KIF26B: variants seen among roughly 807,000 people sequenced by gnomAD.
The protein encoded by KIF26B is kinesin-like protein KIF26B.
A neutral mutation model predicts 151.2 loss-of-function variants in KIF26B; 63 were observed. The observed-to-expected ratio is 0.42, with a 90% CI of 0.34 to 0.51. The LOEUF (loss-of-function observed/expected upper bound fraction) is 0.51. KIF26B is among the 20% of genes least tolerant of loss of function. KIF26B has a pLI of 0.07. For synonymous variants in KIF26B, 1,357 were observed against 1,262.1 expected (o/e 1.08, Z -1.59); for missense variants, 2,813 against 2,913.6 (o/e 0.97, Z 0.79).
At chr1:245,456,985 C>T (rs1659547417) in intron 4 of KIF26B, among the ~76,000 whole-genome samples, 1 of 152,224 alleles carries the variant, frequency 6.6e-6, no homozygotes, top group African/African-American at 2.4e-5. Flanking sequence ...CCTGCCTCAG[C>T]CTCCTGTGTA....
At chr1:245,664,066 A>C (rs1054649306) in intron 10 of KIF26B, among the ~76,000 whole-genome samples, 1 of 152,140 alleles carries the variant, frequency 6.6e-6, no homozygotes, top group Non-Finnish European at 1.5e-5. Context: ...GCATTTACTA[A>C]GACTTAAAAA....
rs1258748344 is a variant in KIF26B, at chr1:245,709,185, T to A, written c.*6579T>A. On this transcript the variant is annotated 3_prime_UTR_variant, in exon 15 of 15. Coordinates refer to ENST00000407071, the MANE Select transcript of KIF26B (RefSeq NM_018012.4). ...TTGCAAGCTATATAAACGTTAGGTGTTGGCTTGATTATGATAAATATGAGC... is the reference window on the plus strand; with the variant it reads ...TTGCAAGCTATATAAACGTTAGGTGATGGCTTGATTATGATAAATATGAGC... The A allele has an allele frequency of 3.9e-5, 6 of 152,212 alleles. No homozygotes were observed. Among genetic ancestry groups the A allele is most frequent in the African/African-American group, 1.4e-4 (6 of 41,442 alleles). 9.4% of individuals were successfully genotyped at this position (152,212 alleles called of 1,614,324 possible).
At chr1:245,363,760 ACT>A (rs1208803604) in intron 2 of KIF26B, among the ~76,000 whole-genome samples, 10 of 152,046 alleles carry the variant, frequency 6.6e-5, no homozygotes, top group Non-Finnish European at 1.2e-4. Context: ...TTCATTAAAG[ACT>A]CTCAATCTCA....
chr1:245,247,596 G>C (rs1262264768), intron 2 of KIF26B, among the ~76,000 whole-genome samples: 1 of 152,256 alleles, frequency 6.6e-6, no homozygotes, highest in Non-Finnish European at 1.5e-5. Context: ...GCCCTGGGCT[G>C]TCGCTGGAGC....
Position 245,367,342 on chromosome 1 carries a change from A to G in KIF26B, c.974A>G (p.Asn325Ser), listed in dbSNP as rs1229507139. The G allele has an allele frequency of 6.3e-6, 10 of 1,593,572 alleles. No individual in the cohort carries two copies. Among genetic ancestry groups the G allele is most frequent in the Middle Eastern group, 3.3e-4 (2 of 6,062 alleles). The change falls in exon 3 of 15, where the codon AAC (asparagine) becomes AGC (serine). Residue 325 changes from asparagine to serine, a missense_variant. This residue lies in a region of KIF26B where 676 missense variants were observed against 688.1 expected (regional missense o/e 0.98). Coordinates refer to ENST00000407071, the MANE Select transcript of KIF26B (RefSeq NM_018012.4). The surrounding 1 kb of genome is among the most constrained non-coding windows in gnomAD (Gnocchi z 4.2). ...LDGTWSLSRT[N>S]GVTLYPYQIS... is the part of the protein sequence containing the mutation. The stretch of plus-strand genomic sequence containing the variant: ...GGCACCTGGTCCCTGTCGAGAACCA[A>G]CGGGGTCACCCTGTACCCATACCAG...
At position 245,618,837 on chromosome 1, in the gene KIF26B, A is replaced by G. The variant is rs371004036; in HGVS notation, c.2098+6861A>G. Among the ~76,000 whole-genome samples the G allele has an allele frequency of 8.5e-3, 1,209 of 142,096 alleles. 2 individuals carry two copies. The highest frequency in any genetic ancestry group is 0.023 in the Admixed American group (314 of 13,524). The allele number at this position is 142,096 out of a possible 152,430, so 93.2% of individuals were successfully genotyped here. On this transcript the variant is annotated intron_variant, in intron 9 of 14. Coordinates refer to ENST00000407071, the MANE Select transcript of KIF26B (RefSeq NM_018012.4). ...CTGTTGGTGAGCTTGTCCAAGCCCT[A>G]TTAGACTATAGGTTCCTTGAGACAG...
intron 2 of KIF26B, among the ~76,000 whole-genome samples, chr1:245,209,658 G>T (rs910379224): frequency 2.0e-5 from 3 of 152,212 alleles, no homozygotes; most frequent in Non-Finnish European, 2.9e-5. Context: ...GACGGTGGAG[G>T]TTGAGCATTT....
At chr1:245,679,879 G>T (rs1350531387) in intron 10 of KIF26B, among the ~76,000 whole-genome samples, 2 of 152,128 alleles carry the variant, frequency 1.3e-5, no homozygotes, top group African/African-American at 4.8e-5. Context: ...GCCCCCGTCA[G>T]CTCTGCTCCA....
chr1:245,256,250 A>G (rs908406620), intron 2 of KIF26B, among the ~76,000 whole-genome samples: 12 of 152,194 alleles, frequency 7.9e-5, no homozygotes, highest in Non-Finnish European at 1.6e-4. Flanking sequence ...AATATGGCTA[A>G]CATTTTGGGA....
Position 245,367,624 on chromosome 1 carries a change from TTG to T in KIF26B, c.999+261_999+262del, listed in dbSNP as rs796837979. Among the ~76,000 whole-genome samples, 12 of 152,302 alleles carry T rather than the reference TTG, an allele frequency of 7.9e-5. No homozygotes were observed. Among genetic ancestry groups the T allele is most frequent in the African/African-American group, 2.9e-4 (12 of 41,560 alleles). On this transcript the variant is annotated intron_variant, in intron 3 of 14. Coordinates refer to ENST00000407071, the MANE Select transcript of KIF26B (RefSeq NM_018012.4). The surrounding 1 kb of genome is among the most constrained non-coding windows in gnomAD (Gnocchi z 4.2). The stretch of plus-strand genomic sequence containing the variant: ...GTGTCTCCTTCCTGAGAGACCCTCT[TTG>T]TGTAAGAGGTCCTTGCTGGTCCAGG...
At position 245,549,498 on chromosome 1, in the gene KIF26B, A is replaced by T. The variant is rs560512937; in HGVS notation, c.1350+8548A>T. Among the ~76,000 whole-genome samples the T allele has an allele frequency of 6.8e-4, 104 of 152,330 alleles. 1 individual carries two copies. In the South Asian group the frequency reaches 0.021, roughly 30 times the overall value. ...TTTAAGCTAACATTCCCAGCATCTTATCTTTCTATAGTCTTTCTCTTGTTA... is the reference window on the plus strand; with the variant it reads ...TTTAAGCTAACATTCCCAGCATCTTTTCTTTCTATAGTCTTTCTCTTGTTA... On this transcript the variant is annotated intron_variant, in intron 5 of 14. Transcript: ENST00000407071.
At chr1:245,254,098 CTG>C (rs1670493780) in intron 2 of KIF26B, among the ~76,000 whole-genome samples, 1 of 152,210 alleles carries the variant, frequency 6.6e-6, no homozygotes, top group African/African-American at 2.4e-5. Context: ...GCGTGAGCCA[CTG>C]CACCCAGCTG....
At chr1:245,162,728 C>T (rs966334140) in intron 2 of KIF26B, among the ~76,000 whole-genome samples, 35 of 152,262 alleles carry the variant, frequency 2.3e-4, no homozygotes, top group African/African-American at 7.2e-4. Flanking sequence ...ACCTGTATTC[C>T]TAATGTACTT....
chr1:245,208,813 C>T (rs1383510880), intron 2 of KIF26B, among the ~76,000 whole-genome samples: 4 of 152,112 alleles, frequency 2.6e-5, no homozygotes, highest in East Asian at 3.8e-4. Flanking sequence ...ATGTGTGAGT[C>T]GCCACTATAG....
chr1:245,316,266 C>T (rs1047483661), intron 2 of KIF26B, among the ~76,000 whole-genome samples: 1 of 151,924 alleles, frequency 6.6e-6, no homozygotes, highest in Non-Finnish European at 1.5e-5. Context: ...GGATTACAGG[C>T]ACCCGCCACC....
rs1210064091 is a variant in KIF26B, at chr1:245,567,200, A to C, written c.1350+26250A>C. Among the ~76,000 whole-genome samples the C allele has an allele frequency of 5.3e-5, 8 of 152,182 alleles. No individual in the cohort carries two copies. In the South Asian group the frequency reaches 1.7e-3, roughly 32 times the overall value. On this transcript the variant is annotated intron_variant, in intron 5 of 14. Coordinates refer to ENST00000407071, the MANE Select transcript of KIF26B (RefSeq NM_018012.4). ...AGCAGACCCACAAAAGCCAGCAATT[A>C]ATATTTCCCCGGAGAGATTCCAGAT...
At chr1:245,190,160 A>T (rs1407699207) in intron 2 of KIF26B, among the ~76,000 whole-genome samples, 1 of 152,146 alleles carries the variant, frequency 6.6e-6, no homozygotes, top group Non-Finnish European at 1.5e-5. Context: ...TGATTCAGTC[A>T]TCTCCCCCTG....
At chr1:245,209,494 AGAAGTG>A (rs1005744417) in intron 2 of KIF26B, among the ~76,000 whole-genome samples, 2 of 152,218 alleles carry the variant, frequency 1.3e-5, no homozygotes, top group African/African-American at 4.8e-5. Context: ...AAACACGTGT[AGAAGTG>A]GAAAAGAAAA....
intron 6 of KIF26B, among the ~76,000 whole-genome samples, chr1:245,607,165 C>T (rs1042231218): frequency 5.9e-5 from 9 of 151,642 alleles, no homozygotes; most frequent in Non-Finnish European, 8.8e-5. Context: ...CTCTTGCTTA[C>T]GTGAGAACTA....
Sources: gnomAD v4.1 joint callset for allele counts (sites outside exome capture counted in the v4.1 genomes callset) on GRCh38, gnomAD v4.1.1 for gene constraint, gnomAD v4.1.1 regional missense constraint, Gnocchi (gnomAD v3.1) non-coding constraint, MANE v1.5 for transcripts, NCBI Gene and HGNC (gene_info 2026-07-23, HGNC 2026-07-21) for gene names.